The following DSCAM variants were observed in gnomAD, a reference collection of about 807,000 sequenced individuals.
DSCAM encodes the protein DS cell adhesion molecule.
Under a neutral mutation model 217.7 loss-of-function variants are expected in DSCAM, and 47 were observed. The ratio of observed to expected loss-of-function variants is 0.22; its 90% CI spans 0.17 to 0.28. DSCAM has a LOEUF of 0.28. Among genes scored for constraint, DSCAM ranks in the 10% least tolerant of loss-of-function variants. The pLI is 1.00. For missense variants in DSCAM, 2,080 were observed against 2,618.3 expected (o/e 0.79, Z 4.49); for synonymous variants, 1,056 against 1,015.3 (o/e 1.04, Z -0.76).
intron 1 of DSCAM, among the ~76,000 whole-genome samples, chr21:40,725,905 TG>T (rs894256412): frequency 6.6e-6 from 1 of 152,218 alleles, no homozygotes; most frequent in Non-Finnish European, 1.5e-5. Context: ...GTCAAAATTT[TG>T]ACCTCTCATG....
intron 3 of DSCAM, among the ~76,000 whole-genome samples, chr21:40,498,615 G>A (rs536885576): frequency 8.6e-6 from 1 of 116,704 alleles, no homozygotes; most frequent in African/African-American, 3.1e-5. Flanking sequence ...TATATAATAT[G>A]TATATATGCA....
At chr21:40,115,541 G>A (rs546173393) in intron 20 of DSCAM, among the ~76,000 whole-genome samples, 1 of 152,020 alleles carries the variant, frequency 6.6e-6, no homozygotes, top group Admixed American at 6.6e-5. Context: ...TTGTGCACAT[G>A]TACCCTAAAA....
intron 27 of DSCAM, among the ~76,000 whole-genome samples, chr21:40,070,400 G>T (rs1042319735): frequency 1.2e-4 from 12 of 99,792 alleles, no homozygotes; most frequent in African/African-American, 3.1e-5. Flanking sequence ...GGAAGGAAAA[G>T]AAAAGAAAAG....
At chr21:40,125,166 T>A (rs773508809) in intron 19 of DSCAM, among the ~76,000 whole-genome samples, 2 of 152,184 alleles carry the variant, frequency 1.3e-5, no homozygotes, top group Non-Finnish European at 2.9e-5. Context: ...ACAGTATCCA[T>A]GTAAGACAAA....
intron 16 of DSCAM, among the ~76,000 whole-genome samples, chr21:40,154,492 A>T (rs750923186): frequency 2.6e-4 from 40 of 152,000 alleles, no homozygotes; most frequent in Admixed American, 2.0e-4. Flanking sequence ...GAGCTTAAAT[A>T]ATCTGCCCAA....
intron 1 of DSCAM, among the ~76,000 whole-genome samples, chr21:40,756,734 G>A (rs1893071411): frequency 1.3e-5 from 2 of 152,062 alleles, no homozygotes; most frequent in African/African-American, 2.4e-5. Context: ...CAAATACACT[G>A]TACTAAACAC....
chr21:40,076,308 A>G (rs902193971), intron 26 of DSCAM, among the ~76,000 whole-genome samples: 1 of 152,046 alleles, frequency 6.6e-6, no homozygotes, highest in Admixed American at 6.6e-5. Flanking sequence ...CAAAACCAAG[A>G]CAACACTAGG....
intron 3 of DSCAM, among the ~76,000 whole-genome samples, chr21:40,690,370 C>A (rs1434776632): frequency 6.6e-6 from 1 of 152,216 alleles, no homozygotes; most frequent in Non-Finnish European, 1.5e-5. Flanking sequence ...GTCTATTCGA[C>A]TCAGGTTGAA....
At position 40,072,640 on chromosome 21, in the gene DSCAM, A is replaced by G. The variant is rs115842485; in HGVS notation, c.4888+2397T>C. 4.9e-3 allele frequency among the ~76,000 whole-genome samples: 738 copies of G among 151,936 alleles called. 8 individuals carry two copies. Among genetic ancestry groups the G allele is most frequent in the African/African-American group, 0.014 (564 of 41,426 alleles). Reference sequence around the variant, plus strand: ...TAGGATTACAGGTGTGAGCCACCGCACCCGGCCTCTCCTGTCAGATTCTTG... The same window carrying G: ...TAGGATTACAGGTGTGAGCCACCGCGCCCGGCCTCTCCTGTCAGATTCTTG... On this transcript the variant is annotated intron_variant, in intron 27 of 32. Transcript: ENST00000400454.
chr21:40,537,117 A>C (rs1303873250), intron 3 of DSCAM, among the ~76,000 whole-genome samples: 2 of 152,260 alleles, frequency 1.3e-5, no homozygotes, highest in Admixed American at 6.5e-5. Flanking sequence ...GAACATTCTC[A>C]TGGGCCACAG....
At chr21:40,627,538 T>C (rs1303393638) in intron 3 of DSCAM, among the ~76,000 whole-genome samples, 1 of 152,216 alleles carries the variant, frequency 6.6e-6, no homozygotes, top group Non-Finnish European at 1.5e-5. Flanking sequence ...GTTTGGATTC[T>C]TCCTTTTCTA....
At chr21:40,412,879 T>C (rs189144926) in intron 3 of DSCAM, among the ~76,000 whole-genome samples, 1 of 152,300 alleles carries the variant, frequency 6.6e-6, no homozygotes, top group Admixed American at 6.5e-5. Flanking sequence ...AAAAGTGGTT[T>C]CATGGGCCAA....
At chr21:40,256,404 C>CAGAGAGAGAG (rs148333628) in intron 11 of DSCAM, among the ~76,000 whole-genome samples, 87 of 147,786 alleles carry the variant, frequency 5.9e-4, no homozygotes, top group East Asian at 2.2e-3. Context: ...GAGAGACAGA[C>CAGAGAGAGAG]AGAGAGAGAG....
chr21:40,748,557 T>C (rs992134237), intron 1 of DSCAM, among the ~76,000 whole-genome samples: 2 of 151,962 alleles, frequency 1.3e-5, no homozygotes, highest in Non-Finnish European at 1.5e-5. Context: ...CAATGAAAAC[T>C]ATAAAACGCC....
At chr21:40,490,756 G>A (rs909533334) in intron 3 of DSCAM, among the ~76,000 whole-genome samples, 3 of 152,272 alleles carry the variant, frequency 2.0e-5, no homozygotes, top group Non-Finnish European at 4.4e-5. Context: ...TGTCCTGCAA[G>A]GTTTCTGTCT....
chr21:40,404,005 G>C (rs2075260710), intron 3 of DSCAM, among the ~76,000 whole-genome samples: 1 of 152,094 alleles, frequency 6.6e-6, no homozygotes, highest in African/African-American at 2.4e-5. Flanking sequence ...CCAAGAAACT[G>C]ACATAGATTA....
intron 27 of DSCAM, among the ~76,000 whole-genome samples, chr21:40,064,190 T>C (rs2089171783): frequency 6.6e-6 from 1 of 151,900 alleles, no homozygotes; most frequent in African/African-American, 2.4e-5. Flanking sequence ...CACACATATA[T>C]ATACACATAC....
intron 8 of DSCAM, among the ~76,000 whole-genome samples, chr21:40,324,118 A>AG (rs2074291088): frequency 7.0e-6 from 1 of 143,190 alleles, no homozygotes; most frequent in African/African-American, 2.7e-5. Flanking sequence ...AAAAAAAAAA[A>AG]AAAAAAAAAA....
intron 11 of DSCAM, among the ~76,000 whole-genome samples, chr21:40,251,119 C>A (rs563173088): frequency 6.6e-6 from 1 of 152,328 alleles, no homozygotes; most frequent in East Asian, 1.9e-4. Flanking sequence ...GCTGCTGATG[C>A]AGCTTGGAGG....
Sources: allele counts gnomAD v4.1 joint callset (sites outside exome capture counted in the v4.1 genomes callset), GRCh38; gene constraint gnomAD v4.1.1; transcripts MANE v1.5; gene names NCBI Gene and HGNC (gene_info 2026-07-23, HGNC 2026-07-21).